The following CHTF18 variants were observed in gnomAD, a reference collection of about 807,000 sequenced individuals.
CHTF18 encodes chromosome transmission fidelity protein 18 homolog.
Under a neutral mutation model 113.4 loss-of-function variants are expected in CHTF18, and 151 were observed. The observed-to-expected ratio is 1.33, with a 90% confidence interval of 1.17 to 1.52. The LOEUF (loss-of-function observed/expected upper bound fraction) is 1.52, where lower values mean the gene tolerates loss of function less well. Among genes scored for constraint, CHTF18 ranks in the 40% most tolerant of loss-of-function variants. CHTF18 has a pLI of 0.00. For synonymous variants in CHTF18, 916 were observed against 598.8 expected (o/e 1.53, Z -7.74); for missense variants, 1,982 against 1,381.6 (o/e 1.43, Z -6.89).
Position 792,274 on chromosome 16 carries a change from A to G in CHTF18, c.1253A>G (p.Gln418Arg), listed in dbSNP as rs1228567651. The G allele has an allele frequency of 5.8e-6, 9 of 1,561,568 alleles. No homozygotes were observed. Among genetic ancestry groups the G allele is most frequent in the Non-Finnish European group, 7.8e-6 (9 of 1,153,870 alleles). ...VFRTRIEAATQMESVLGAGGK... is the reference protein window; with the variant it reads ...VFRTRIEAATRMESVLGAGGK... ...CGCACACGCATCGAGGCGGCCACCC[A>G]GATGGAGTCGGTGCTGGGTGCTGGC... Residue 418 changes from glutamine (Q) to arginine (R), a missense_variant, in exon 10 of 22, where the codon CAG becomes CGG. Gln to Arg is a conservative substitution (Grantham distance 43, BLOSUM62 1). Transcript: ENST00000262315.
chr16:793,664 C>T, intron 14 of CHTF18: 2 of 554,702 alleles, frequency 3.6e-6, no homozygotes, highest in Non-Finnish European at 6.7e-6. Flanking sequence ...GCAGGAGCAG[C>T]CAGCATGTCT....
At position 796,831 on chromosome 16, in the gene CHTF18, G is replaced by T; in HGVS notation, c.2571G>T (p.Glu857Asp). 1 of 1,607,160 alleles carries T rather than the reference G, an allele frequency of 6.2e-7. No homozygotes were observed. Among genetic ancestry groups the T allele is most frequent in the Non-Finnish European group, 8.5e-7 (1 of 1,178,860 alleles). Residue 857 changes from glutamate (E) to aspartate (D), a missense_variant, in exon 19 of 22, where the codon GAG (glutamate) becomes GAT (aspartate). Physicochemically the swap from Glu to Asp is conservative, Grantham distance 45. Coordinates refer to ENST00000262315, the MANE Select transcript of CHTF18 (RefSeq NM_022092.3). ...EIEVEKMRRA[E>D]ASARVENSPQ... is the part of the protein sequence containing the mutation. ...AGGTGGAGAAGATGCGGCGGGCGGA[G>T]GCTTCTGCCCGGGTAGAGAACAGCC...
Position 791,326 on chromosome 16 carries a change from A to T in CHTF18, c.1060A>T (p.Met354Leu), listed in dbSNP as rs1186080850. 1.2e-6 allele frequency: 2 copies of T among 1,609,654 alleles called. No homozygotes were observed. Among genetic ancestry groups the T allele is most frequent in the East Asian group, 4.5e-5 (2 of 44,862 alleles). The change falls in exon 8 of 22, where the codon ATG becomes TTG. Residue 354 changes from methionine to leucine, a missense_variant. Coordinates refer to ENST00000262315, the MANE Select transcript of CHTF18 (RefSeq NM_022092.3). ...WKSHEQVLEE[M>L]LEAGLDPSQR... is the part of the protein sequence containing the mutation. The stretch of plus-strand genomic sequence containing the variant: ...GAGCCACGAACAGGTGCTGGAGGAG[A>T]TGCTGGAGGCTGGGCTGGACCCGAG...
intron 8 of CHTF18, 115 bp downstream of exon 8, chr16:791,485 C>G: frequency 6.9e-7 from 1 of 1,450,462 alleles, no homozygotes; most frequent in Non-Finnish European, 9.0e-7. Flanking sequence ...ACGTGTGGGT[C>G]TTGGCGTGAA....
intron 15 of CHTF18, chr16:794,584 C>T (rs930010420): frequency 2.2e-5 from 6 of 270,772 alleles, no homozygotes; most frequent in East Asian, 7.9e-5. Flanking sequence ...GGCTTCCTGC[C>T]GCCCTGCCCG....
In CHTF18 at chr16:789,575, C is replaced by G. The variant is rs1198555581; in HGVS notation, c.466C>G (p.Leu156Val). Residue 156 changes from leucine (L) to valine (V), a missense_variant, in exon 4 of 22, where the codon CTC (leucine) becomes GTC (valine). Physicochemically the swap from Leu to Val is conservative, Grantham distance 32 (BLOSUM62 1). Coordinates refer to ENST00000262315, the MANE Select transcript of CHTF18 (RefSeq NM_022092.3). ...GVSEAAADVG[L>V]TRASPAARNP... ...CTCAGAAGCTGCTGCCGACGTGGGT[C>G]TCACACGGGCCTCACCAGCTGCCCG... is the stretch of plus-strand genomic sequence containing the variant. The G allele has an allele frequency of 6.2e-7, 1 of 1,604,956 alleles. No homozygotes were observed. Among genetic ancestry groups the G allele is most frequent in the South Asian group, 1.1e-5 (1 of 90,560 alleles).
chr16:790,285 T>C lies in CHTF18; in HGVS notation c.699+16T>C. The C allele has an allele frequency of 4.4e-6, 7 of 1,608,746 alleles. No individual in the cohort carries two copies. Among genetic ancestry groups the C allele is most frequent in the Non-Finnish European group, 5.9e-6 (7 of 1,178,426 alleles). ...CGACGGCGAGGTAGGGGCTGCGGGTTTGCTGGGGGGCGGTGGCGGGGCCGC... is the reference window on the plus strand; with the variant it reads ...CGACGGCGAGGTAGGGGCTGCGGGTCTGCTGGGGGGCGGTGGCGGGGCCGC... On this transcript the variant is annotated intron_variant, in intron 5 of 21. Transcript: ENST00000262315.
At chr16:790,106 A>G (rs924881627) in intron 4 of CHTF18, 71 bp from the exon 5 acceptor site, 1 of 1,542,282 alleles carries the variant, frequency 6.5e-7, no homozygotes, top group Non-Finnish European at 8.7e-7. Context: ...GTCCCTGAGC[A>G]CTGATGGGGG....
In CHTF18 at chr16:793,004, G is replaced by T; in HGVS notation, c.1611G>T (p.Val537=). ...LRQGMRADPG[V]LAALCEKTDN... is the part of the protein sequence containing the mutation. ...AGGGCATGAGGGCCGACCCAGGGGT[G>T]CTGGCCGCCCTCTGTGAGAAAACTG... The change falls in exon 13 of 22, where the codon GTG becomes GTT. Residue 537 remains valine, a synonymous_variant. Coordinates refer to ENST00000262315, the MANE Select transcript of CHTF18 (RefSeq NM_022092.3). 3 of 1,554,100 alleles carry T rather than the reference G, an allele frequency of 1.9e-6. No individual in the cohort carries two copies. The highest frequency in any genetic ancestry group is 2.5e-5 in the East Asian group (1 of 39,946).
At chr16:794,639 G>C (rs965991458) in intron 15 of CHTF18, 2 of 231,670 alleles carry the variant, frequency 8.6e-6, no homozygotes, top group Non-Finnish European at 1.7e-5. Context: ...AGCGGCTTTG[G>C]ATTAGCAGCT....
rs557969400 is a variant in CHTF18, at chr16:793,538, C to T, written c.1802+264C>T. 2.1e-4 allele frequency: 124 copies of T among 587,896 alleles called. No homozygotes were observed. The African/African-American group carries it at 2.1e-3, about 10-fold the overall frequency. 36.4% of individuals were successfully genotyped at this position (587,896 alleles called of 1,614,324 possible). A position where few individuals can be genotyped will look rare whatever the true frequency, so the allele number is the denominator to read the frequency against. On this transcript the variant is annotated intron_variant, in intron 14 of 21. Coordinates refer to ENST00000262315, the MANE Select transcript of CHTF18 (RefSeq NM_022092.3). ...GTGGTGGGGCCTCCAGGGCGTCCCT[C>T]TCCAGGGCGCCCCTTGACTCAGCTG... is the stretch of plus-strand genomic sequence containing the variant.
rs1489732724 is a variant in CHTF18, at chr16:789,060, G to A, written c.221G>A (p.Ser74Asn). Residue 74 changes from serine to asparagine, a missense_variant, in exon 2 of 22, where the codon AGC (serine) becomes AAC (asparagine). By Grantham distance (46) the Ser-to-Asn change is conservative (BLOSUM62 1). Coordinates refer to ENST00000262315, the MANE Select transcript of CHTF18 (RefSeq NM_022092.3). Reference protein sequence around the residue: ...SPAPAASVGSSQGGARKRQVD... With the variant: ...SPAPAASVGSNQGGARKRQVD... ...GCCCCAGCCGCATCTGTGGGCAGCA[G>A]CCAGGGCGGCGCCAGGAAGAGGCAG... 4 of 1,537,672 alleles carry A rather than the reference G, an allele frequency of 2.6e-6. No individual in the cohort carries two copies. In the Admixed American group the frequency reaches 8.1e-5, roughly 31 times the overall value.
chr16:791,710 C>G (rs742318), intron 8 of CHTF18, 141 bp from the exon 9 acceptor site: 356,082 of 1,434,588 alleles, frequency 0.25, 52,460 homozygotes, highest in African/African-American at 0.57. Flanking sequence ...TGAAAGTGCT[C>G]AATTTTGTTC....
chr16:792,449 A>C lies in CHTF18; in HGVS notation c.1337A>C (p.Asn446Thr). The change falls in exon 11 of 22, where the codon AAC (asparagine) becomes ACC (threonine). Residue 446 changes from asparagine to threonine, a missense_variant. Asn to Thr is a moderately conservative substitution (Grantham distance 65). Transcript: ENST00000262315. ...CTGACCTCCCCCAAGGCCGCCATCA[A>C]CGTCCTCCTGAGCATCCTGAACCGC... ...EIDGAPVAAI[N>T]VLLSILNRKG... 1 of 1,566,186 alleles carries C rather than the reference A, an allele frequency of 6.4e-7. No individual in the cohort carries two copies. Among genetic ancestry groups the C allele is most frequent in the Non-Finnish European group, 8.7e-7 (1 of 1,155,802 alleles).
Position 797,865 on chromosome 16 carries a change from G to A in CHTF18, c.2818G>A (p.Val940Met). The change falls in exon 22 of 22, where the codon GTG becomes ATG. Residue 940 changes from valine to methionine, a missense_variant. Transcript: ENST00000262315. ...AGDTAPEQDS[V>M]ERRMGTAVGR... ...GGACACGGCCCCGGAGCAGGACTCA[G>A]TGGAGCGGCGCATGGGCACAGCGGT... The A allele has an allele frequency of 6.2e-7, 1 of 1,608,478 alleles. No homozygotes were observed. The highest frequency in any genetic ancestry group is 2.2e-5 in the East Asian group (1 of 44,742).
rs1031959158 is a variant in CHTF18, at chr16:795,215, C to T, written c.2034C>T (p.Phe678=). The T allele has an allele frequency of 8.4e-6, 13 of 1,554,486 alleles. No individual in the cohort carries two copies. The highest frequency in any genetic ancestry group is 1.9e-4 in the Middle Eastern group (1 of 5,404). The change falls in exon 16 of 22, where the codon TTC becomes TTT. Residue 678 remains phenylalanine (F), a synonymous_variant. Coordinates refer to ENST00000262315, the MANE Select transcript of CHTF18 (RefSeq NM_022092.3). Reference sequence around the variant, plus strand: ...GTGTGGCCCTCGACTGGCTGGCCTTCGATGACCTGCTGGCGGGGGCTGCTC... The same window carrying T: ...GTGTGGCCCTCGACTGGCTGGCCTTTGATGACCTGCTGGCGGGGGCTGCTC... ...AVCVALDWLA[F]DDLLAGAAHH... is the part of the protein sequence containing the mutation.
chr16:795,716 T>G lies in CHTF18; in HGVS notation c.2207T>G (p.Leu736Arg), dbSNP rs774125767. 6.2e-7 allele frequency: 1 copy of G among 1,603,498 alleles called. No individual in the cohort carries two copies. Among genetic ancestry groups the G allele is most frequent in the Non-Finnish European group, 8.5e-7 (1 of 1,177,092 alleles). Residue 736 changes from leucine to arginine, a missense_variant, in exon 17 of 22, where the codon CTG becomes CGG. Coordinates refer to ENST00000262315, the MANE Select transcript of CHTF18 (RefSeq NM_022092.3). ...AQNRMSQMRN[L>R]IQTLVSGIAP... ...AACCGGATGAGCCAGATGAGGAACCTGATCCAGACGCTGGTGTCCGGCATC... is the reference window on the plus strand; with the variant it reads ...AACCGGATGAGCCAGATGAGGAACCGGATCCAGACGCTGGTGTCCGGCATC...
Position 796,022 on chromosome 16 carries a change from C to T in CHTF18, c.2401C>T (p.Leu801=), listed in dbSNP as rs201606920. The T allele has an allele frequency of 2.3e-4, 362 of 1,606,720 alleles. 2 individuals carry two copies. In the East Asian group the frequency reaches 7.2e-3, roughly 32 times the overall value. The part of the protein sequence containing the change: ...SLVGTMLAYS[L]TYRQERTPDG... ...GGTGGGCACGATGCTCGCTTACAGC[C>T]TGACCTACCGCCAGGAGCGCACGCC... The change falls in exon 18 of 22, where the codon CTG becomes TTG. Residue 801 remains leucine (L), a synonymous_variant. Coordinates refer to ENST00000262315, the MANE Select transcript of CHTF18 (RefSeq NM_022092.3).
chr16:793,352 C>G (rs2042254510), intron 14 of CHTF18, 78 bp downstream of exon 14: 1 of 1,527,662 alleles, frequency 6.5e-7, no homozygotes. Context: ...TGCAGGCCAG[C>G]ACTACCTTCG....
Sources: allele counts gnomAD v4.1 joint callset, GRCh38; gene constraint gnomAD v4.1.1; transcripts MANE v1.5; gene names NCBI Gene and HGNC (gene_info 2026-07-23, HGNC 2026-07-21).